The following CTNNA3 variants were observed in gnomAD, a reference collection of about 807,000 sequenced individuals.
The protein encoded by CTNNA3 is catenin alpha-3.
CTNNA3 carries 76 observed loss-of-function variants against 95.7 expected under a neutral mutation model. The observed-to-expected ratio is 0.79, with a 90% CI of 0.66 to 0.96. The LOEUF (loss-of-function observed/expected upper bound fraction) is 0.96. Ranked by LOEUF, CTNNA3 falls within the 40% of genes least tolerant of loss-of-function variation. The pLI is 0.00. For synonymous variants in CTNNA3, 431 were observed against 374.4 expected (o/e 1.15, Z -1.74); for missense variants, 1,191 against 1,089.8 (o/e 1.09, Z -1.31).
intron 5 of CTNNA3, among the ~76,000 whole-genome samples, chr10:67,365,127 G>C (rs185401709): frequency 6.6e-6 from 1 of 152,212 alleles, no homozygotes; most frequent in African/African-American, 2.4e-5. Context: ...AATGGGGAAA[G>C]GATTTCCTAT....
At chr10:67,023,086 T>C (rs904026180) in intron 7 of CTNNA3, among the ~76,000 whole-genome samples, 1 of 152,184 alleles carries the variant, frequency 6.6e-6, no homozygotes, top group South Asian at 2.1e-4. Flanking sequence ...GAGCTATGTA[T>C]CTAATTCAAT....
chr10:65,958,390 A>G (rs2077775128), intron 17 of CTNNA3, among the ~76,000 whole-genome samples: 1 of 151,824 alleles, frequency 6.6e-6, no homozygotes, highest in African/African-American at 2.4e-5. Context: ...TCTTCTCTCA[A>G]CTCGTCAAAG....
intron 13 of CTNNA3, among the ~76,000 whole-genome samples, chr10:66,184,358 T>C (rs1488644478): frequency 6.6e-6 from 1 of 152,186 alleles, no homozygotes; most frequent in Non-Finnish European, 1.5e-5. Flanking sequence ...AAATTTTATT[T>C]TTATGGTATA....
chr10:67,229,320 A>G lies in CTNNA3; in HGVS notation c.580-9450T>C, dbSNP rs1279546675. Among the ~76,000 whole-genome samples, 3 of 152,198 alleles carry G rather than the reference A, an allele frequency of 2.0e-5. No individual in the cohort carries two copies. The East Asian group carries it at 5.8e-4, about 29-fold the overall frequency. On this transcript the variant is annotated intron_variant, in intron 5 of 17. Transcript: ENST00000433211. The stretch of plus-strand genomic sequence containing the variant: ...ATCGGCATACAAGGGACATACCTCA[A>G]TGGAATAAAAGCCATCTATGATAAA...
chr10:67,540,635 T>C (rs1390540764), intron 3 of CTNNA3, among the ~76,000 whole-genome samples: 1 of 152,012 alleles, frequency 6.6e-6, no homozygotes. Flanking sequence ...GTATGTGTTT[T>C]ATGAATATAT....
intron 9 of CTNNA3, among the ~76,000 whole-genome samples, chr10:66,636,024 G>T (rs1242799955): frequency 8.1e-6 from 1 of 123,704 alleles, no homozygotes; most frequent in Non-Finnish European, 1.9e-5. Context: ...GTGTGTGTGT[G>T]TGTGTGTGTG....
At chr10:66,752,231 T>C (rs1024071538) in intron 9 of CTNNA3, among the ~76,000 whole-genome samples, 2 of 152,060 alleles carry the variant, frequency 1.3e-5, no homozygotes, top group African/African-American at 4.8e-5. Context: ...CAATCTTGAA[T>C]AAATGGTAGA....
intron 16 of CTNNA3, among the ~76,000 whole-genome samples, chr10:65,982,124 T>C (rs780259723): frequency 2.0e-5 from 3 of 150,122 alleles, no homozygotes; most frequent in Non-Finnish European, 3.0e-5. Flanking sequence ...ATATTCAGAA[T>C]CTCCAAATAA....
At chr10:66,336,052 G>A (rs1011174694) in intron 12 of CTNNA3, among the ~76,000 whole-genome samples, 1 of 152,096 alleles carries the variant, frequency 6.6e-6, no homozygotes, top group African/African-American at 2.4e-5. Context: ...ATAATCTCCT[G>A]GTGTGCTATT....
chr10:66,182,783 AT>A (rs2131860847), intron 13 of CTNNA3, among the ~76,000 whole-genome samples: 1 of 152,326 alleles, frequency 6.6e-6, no homozygotes, highest in Non-Finnish European at 1.5e-5. Context: ...CAAAATGTCC[AT>A]CCTCGTGAAC....
intron 3 of CTNNA3, among the ~76,000 whole-genome samples, chr10:67,563,738 A>C (rs562994958): frequency 6.6e-6 from 1 of 152,104 alleles, no homozygotes; most frequent in Non-Finnish European, 1.5e-5. Flanking sequence ...TTTTCAATCT[A>C]CCCATCTGAC....
At chr10:66,917,552 C>T (rs918475549) in intron 7 of CTNNA3, among the ~76,000 whole-genome samples, 13 of 152,142 alleles carry the variant, frequency 8.5e-5, no homozygotes, top group South Asian at 2.1e-4. Context: ...AAAATAAAAA[C>T]GTTTTTAAAT....
intron 9 of CTNNA3, among the ~76,000 whole-genome samples, chr10:66,671,568 CTT>C (rs1846662675): frequency 2.0e-5 from 3 of 152,148 alleles, no homozygotes; most frequent in African/African-American, 7.2e-5. Flanking sequence ...TTTTCTGTTA[CTT>C]TTCTTGTTAA....
At chr10:66,926,130 C>T in intron 7 of CTNNA3, 1 of 459,330 alleles carries the variant, frequency 2.2e-6, no homozygotes, top group Non-Finnish European at 4.4e-6. Context: ...TCCAACGCAG[C>T]TCTGTGGCTG....
At chr10:66,633,779 G>A (rs1845239656) in intron 9 of CTNNA3, among the ~76,000 whole-genome samples, 1 of 152,078 alleles carries the variant, frequency 6.6e-6, no homozygotes, top group Non-Finnish European at 1.5e-5. Context: ...TGGGAGAGAA[G>A]GTAGGATTAC....
intron 9 of CTNNA3, among the ~76,000 whole-genome samples, chr10:66,758,100 G>T (rs903296200): frequency 9.9e-5 from 15 of 151,916 alleles, no homozygotes; most frequent in Non-Finnish European, 1.9e-4. Flanking sequence ...CACTCCTGCA[G>T]TATGTCTGGT....
At chr10:67,457,202 A>G (rs1770690695) in intron 5 of CTNNA3, among the ~76,000 whole-genome samples, 1 of 152,226 alleles carries the variant, frequency 6.6e-6, no homozygotes, top group African/African-American at 2.4e-5. Flanking sequence ...ATGAAAAGGT[A>G]TGGACAGCAA....
At chr10:66,104,252 C>T (rs1350838001) in intron 13 of CTNNA3, among the ~76,000 whole-genome samples, 1 of 152,102 alleles carries the variant, frequency 6.6e-6, no homozygotes, top group Non-Finnish European at 1.5e-5. Flanking sequence ...TGTTTCCTAG[C>T]CCCCTCTACT....
intron 15 of CTNNA3, among the ~76,000 whole-genome samples, chr10:66,050,326 T>A (rs979350426): frequency 1.3e-4 from 17 of 132,752 alleles, no homozygotes; most frequent in Non-Finnish European, 2.5e-4. Context: ...TTTCCTTTAA[T>A]TCACATTTCA....
Sources: allele counts gnomAD v4.1 joint callset (sites outside exome capture counted in the v4.1 genomes callset), GRCh38; gene constraint gnomAD v4.1.1; transcripts MANE v1.5; gene names NCBI Gene and HGNC (gene_info 2026-07-23, HGNC 2026-07-21).